The following SATB2 variants were observed in gnomAD, a reference collection of about 807,000 sequenced individuals.
SATB2 encodes SATB homeobox 2.
In SATB2, 1 loss-of-function variant was observed where a neutral mutation model predicts 73.4. That is an observed-to-expected ratio of 0.01 (90% CI 0.00 to 0.06). The LOEUF (loss-of-function observed/expected upper bound fraction) is 0.06. SATB2 is among the 10% of genes least tolerant of loss of function. The pLI is 1.00. For missense variants in SATB2, 459 were observed against 945.8 expected (o/e 0.49, Z 6.75); for synonymous variants, 397 against 367.0 (o/e 1.08, Z -0.93).
chr2:199,439,373 G>A (rs534751817), intron 2 of SATB2, among the ~76,000 whole-genome samples: 1 of 152,352 alleles, frequency 6.6e-6, no homozygotes, highest in African/African-American at 2.4e-5. Context: ...AAGGAAGGCA[G>A]CAGACAGGGC....
chr2:199,401,671 AG>A (rs1338535276), intron 3 of SATB2, among the ~76,000 whole-genome samples: 1 of 152,166 alleles, frequency 6.6e-6, no homozygotes. Context: ...TGGTAAAAAG[AG>A]GGTGCTAGGC....
intron 9 of SATB2, among the ~76,000 whole-genome samples, chr2:199,310,102 G>C (rs1464738367): frequency 1.3e-5 from 2 of 152,126 alleles, no homozygotes; most frequent in Admixed American, 6.5e-5. Flanking sequence ...CTTCCTCGCG[G>C]CCTCCATGTT....
chr2:199,436,636 G>T (rs1574628441), intron 2 of SATB2, among the ~76,000 whole-genome samples: 1 of 151,984 alleles, frequency 6.6e-6, no homozygotes, highest in East Asian at 1.9e-4. Flanking sequence ...ATAATGAAAT[G>T]CAAGTTTTAC....
chr2:199,384,458 G>A (rs1202268528), intron 3 of SATB2, among the ~76,000 whole-genome samples: 1 of 152,240 alleles, frequency 6.6e-6, no homozygotes, highest in Non-Finnish European at 1.5e-5. Context: ...GAGGCTTGGA[G>A]TAACTCTTAA....
chr2:199,441,823 G>A (rs1188524668), intron 2 of SATB2, among the ~76,000 whole-genome samples: 1 of 152,190 alleles, frequency 6.6e-6, no homozygotes, highest in East Asian at 1.9e-4. Context: ...ACATCCTTCG[G>A]TTATAGAAAT....
In SATB2 at chr2:199,308,543, T is replaced by C. The variant is rs1310514715; in HGVS notation, c.1740+217A>G. On this transcript the variant is annotated intron_variant, in intron 10 of 10. Coordinates refer to ENST00000417098, the MANE Select transcript of SATB2 (RefSeq NM_001172509.2). This position sits in a 1 kb window ranked among gnomAD's most constrained non-coding sequence, Gnocchi z 4.6. ...AACTTCTCAGTCATTTTTCTTTGTG[T>C]GTGCATACACACACACACACGCACG... Among the ~76,000 whole-genome samples, 1 of 152,016 alleles carries C rather than the reference T, an allele frequency of 6.6e-6. No individual in the cohort carries two copies. Among genetic ancestry groups the C allele is most frequent in the Non-Finnish European group, 1.5e-5 (1 of 68,030 alleles).
intron 2 of SATB2, among the ~76,000 whole-genome samples, chr2:199,449,161 G>GA (rs56321234): frequency 3.3e-5 from 5 of 151,408 alleles, no homozygotes; most frequent in African/African-American, 1.2e-4. Flanking sequence ...TTAAAAAGGG[G>GA]AAAAAAAATG....
chr2:199,296,540 AAAT>A (rs1179451546), intron 10 of SATB2, among the ~76,000 whole-genome samples: 1 of 152,082 alleles, frequency 6.6e-6, no homozygotes, highest in Admixed American at 6.6e-5. Flanking sequence ...AAAATACAAG[AAAT>A]TAGCTAGGGA....
intron 3 of SATB2, among the ~76,000 whole-genome samples, chr2:199,412,618 T>C (rs1690854799): frequency 6.6e-6 from 1 of 152,142 alleles, no homozygotes; most frequent in African/African-American, 2.4e-5. Flanking sequence ...CCCCCAAAGG[T>C]AGTGGTCATA....
intron 6 of SATB2, among the ~76,000 whole-genome samples, chr2:199,359,043 T>C (rs934387746): frequency 6.6e-6 from 1 of 152,186 alleles, no homozygotes; most frequent in African/African-American, 2.4e-5. Flanking sequence ...ATTTCTAAGG[T>C]GAATTCAGCA....
chr2:199,443,268 A>C (rs1377751245), intron 2 of SATB2, among the ~76,000 whole-genome samples: 1 of 152,050 alleles, frequency 6.6e-6, no homozygotes, highest in Non-Finnish European at 1.5e-5. Context: ...AGCTTGATTA[A>C]TTTCTCCAGT....
At chr2:199,451,074 G>T (rs1692108869) in intron 2 of SATB2, among the ~76,000 whole-genome samples, 1 of 149,178 alleles carries the variant, frequency 6.7e-6, no homozygotes, top group African/African-American at 2.5e-5. Flanking sequence ...TGCCTTAAGG[G>T]ACATCTATGT....
chr2:199,366,947 G>A (rs954699311), intron 6 of SATB2, among the ~76,000 whole-genome samples: 2 of 151,786 alleles, frequency 1.3e-5, no homozygotes, highest in Admixed American at 1.3e-4. Flanking sequence ...TTCTGTAGTG[G>A]CAATTCTGAA....
chr2:199,394,773 C>T (rs1232359274), intron 3 of SATB2, among the ~76,000 whole-genome samples: 5 of 152,014 alleles, frequency 3.3e-5, no homozygotes, highest in African/African-American at 1.2e-4. Context: ...GCAAAGGGGT[C>T]CCAAGAGCTA....
At chr2:199,375,543 A>C (rs1490355447) in intron 5 of SATB2, among the ~76,000 whole-genome samples, 1 of 152,160 alleles carries the variant, frequency 6.6e-6, no homozygotes, top group Non-Finnish European at 1.5e-5. Flanking sequence ...CCACCTTCAA[A>C]ACTGCTCTTT....
chr2:199,373,601 T>C (rs116017694), intron 5 of SATB2, among the ~76,000 whole-genome samples: 36 of 152,304 alleles, frequency 2.4e-4, no homozygotes, highest in African/African-American at 8.7e-4. Flanking sequence ...TTGGGGATAT[T>C]GTCTCCTGCA....
chr2:199,370,784 C>G (rs1233898098), intron 5 of SATB2, among the ~76,000 whole-genome samples: 1 of 152,086 alleles, frequency 6.6e-6, no homozygotes, highest in Non-Finnish European at 1.5e-5. Context: ...CTCCTACTGG[C>G]TCCGTCGGCA....
chr2:199,406,358 A>G (rs1247264073), intron 3 of SATB2, among the ~76,000 whole-genome samples: 2 of 152,140 alleles, frequency 1.3e-5, no homozygotes, highest in Admixed American at 6.5e-5. Flanking sequence ...CACAATTTTT[A>G]TTTTTCCCTA....
intron 10 of SATB2, among the ~76,000 whole-genome samples, chr2:199,296,602 G>A (rs752256844): frequency 6.6e-6 from 1 of 152,172 alleles, no homozygotes; most frequent in Non-Finnish European, 1.5e-5. Context: ...TGAGGTAGAA[G>A]AAGAGAGAAT....
Sources: allele counts gnomAD v4.1 joint callset (sites outside exome capture counted in the v4.1 genomes callset), GRCh38; gene constraint gnomAD v4.1.1; non-coding constraint Gnocchi (gnomAD v3.1); transcripts MANE v1.5; gene names NCBI Gene and HGNC (gene_info 2026-07-23, HGNC 2026-07-21).